GPRC5D: variants seen among roughly 807,000 people sequenced by gnomAD.
The protein encoded by GPRC5D is G protein-coupled receptor class C group 5 member D, also known as G protein-coupled receptor family C group 5 member D.
In GPRC5D, 20 loss-of-function variants were observed where a neutral mutation model predicts 29.3. The ratio of observed to expected loss-of-function variants is 0.68; its 90% CI spans 0.48 to 0.99. The LOEUF (loss-of-function observed/expected upper bound fraction) is 0.99, where lower values mean the gene tolerates loss of function less well. GPRC5D is among the 50% of genes least tolerant of loss of function. The pLI is 0.00. For missense variants in GPRC5D, 384 were observed against 423.6 expected (o/e 0.91, Z 0.82); for synonymous variants, 178 against 171.3 (o/e 1.04, Z -0.30).
At chr12:12,946,685 C>T (rs900002250) in intron 1 of GPRC5D, among the ~76,000 whole-genome samples, 9 of 152,174 alleles carry the variant, frequency 5.9e-5, no homozygotes, top group Admixed American at 2.0e-4. Flanking sequence ...TAACTCCTGT[C>T]CTCAGGTGAT....
chr12:12,940,943 G>GA, intron 2 of GPRC5D, 94 bp from the exon 4 acceptor site: 4 of 808,532 alleles, frequency 4.9e-6, no homozygotes, highest in Non-Finnish European at 6.4e-6. Context: ...ACAGAGTCTT[G>GA]CTCTGTCACC....
At chr12:12,942,122 C>G in intron 2 of GPRC5D, 139 bp downstream of exon 3, 1 of 679,134 alleles carries the variant, frequency 1.5e-6, no homozygotes, top group Admixed American at 2.4e-5. Context: ...GGCTCAAGCT[C>G]CACATGCCTT....
At chr12:12,942,288 A>C (rs1196080757) in exon 2 of GPRC5D, 2 of 1,612,400 alleles carry the variant, frequency 1.2e-6, no homozygotes, top group South Asian at 2.2e-5. Flanking sequence ...TACCATATGA[A>C]GTTAATGCTA....
chr12:12,950,320 C>T lies in GPRC5D; in HGVS notation c.65G>A (p.Trp22Ter). 2 of 1,612,982 alleles carry T rather than the reference C, an allele frequency of 1.2e-6. No homozygotes were observed. Among genetic ancestry groups the T allele is most frequent in the Non-Finnish European group, 1.7e-6 (2 of 1,179,334 alleles). ...GGCCAGGGACTCCAGAATGATGCCC[C>T]ATGGCCCCTCGGCGTCACAGAGAAG... is the stretch of plus-strand genomic sequence containing the variant. The change falls in exon 1 of 3, where the codon TGG becomes TAG. Residue 22 changes from tryptophan to a stop codon, truncating the protein, a stop_gained. Transcript: ENST00000228887. LOFTEE classifies it high-confidence loss of function.
intron 1 of GPRC5D, among the ~76,000 whole-genome samples, chr12:12,944,057 G>A (rs1302390551): frequency 6.6e-6 from 1 of 151,896 alleles, no homozygotes. Flanking sequence ...GGGCACATGC[G>A]GCCCGATTCT....
At chr12:12,949,758 A>C in exon 1 of GPRC5D, 1 of 1,614,204 alleles carries the variant, frequency 6.2e-7, no homozygotes. Flanking sequence ...AGAAGAGCAC[A>C]GTGATAAAGA....
chr12:12,946,309 T>TTC (rs1565478396), intron 1 of GPRC5D, among the ~76,000 whole-genome samples: 59 of 37,666 alleles, frequency 1.6e-3, no homozygotes, highest in African/African-American at 4.8e-3. Flanking sequence ...CCTTCCTTCC[T>TTC]TTTCTTTCTT....
upstream of GPRC5D, among the ~76,000 whole-genome samples, chr12:12,951,302 G>T (rs891284941): frequency 3.9e-5 from 6 of 152,194 alleles, no homozygotes; most frequent in East Asian, 5.8e-4. Flanking sequence ...ATTGTTCCTA[G>T]GACACTGTCA....
At chr12:12,944,834 C>CTTT (rs1286297872) in intron 1 of GPRC5D, among the ~76,000 whole-genome samples, 1 of 20,030 alleles carries the variant, frequency 5.0e-5, no homozygotes, top group African/African-American at 9.7e-5. Context: ...TCCTTCCTTC[C>CTTT]TTCCTTCCTT....
chr12:12,949,197 C>G (rs1863424698), intron 1 of GPRC5D, among the ~76,000 whole-genome samples: 1 of 152,172 alleles, frequency 6.6e-6, no homozygotes, highest in East Asian at 1.9e-4. Context: ...TAGTGGATGC[C>G]TTTCTTTAAC....
At chr12:12,947,753 C>T (rs775648750) in intron 1 of GPRC5D, among the ~76,000 whole-genome samples, 2 of 152,034 alleles carry the variant, frequency 1.3e-5, no homozygotes, top group Non-Finnish European at 2.9e-5. Context: ...GACGGGGTTT[C>T]GCCATGTCGC....
At chr12:12,941,557 G>A (rs1038723419) in intron 2 of GPRC5D, among the ~76,000 whole-genome samples, 41 of 152,290 alleles carry the variant, frequency 2.7e-4, no homozygotes, top group African/African-American at 9.9e-4. Context: ...TAAATTCATT[G>A]AATAAATGAT....
chr12:12,951,696 A>G (rs1863500138), upstream of GPRC5D, among the ~76,000 whole-genome samples: 2 of 152,238 alleles, frequency 1.3e-5, no homozygotes, highest in African/African-American at 4.8e-5. Context: ...AAGGACTGCC[A>G]ACATTAATGG....
intron 2 of GPRC5D, 50 bp from the exon 4 acceptor site, chr12:12,940,899 G>T (rs1446638424): frequency 2.5e-6 from 3 of 1,188,886 alleles, no homozygotes; most frequent in Non-Finnish European, 2.5e-6. Context: ...CAAAAGAAAT[G>T]ATATTCTCCA....
chr12:12,950,442 G>A (rs571925657), upstream of GPRC5D: 28 of 1,204,780 alleles, frequency 2.3e-5, no homozygotes, highest in African/African-American at 3.9e-4. Flanking sequence ...GCAGAAAAAG[G>A]ATGAGACAAA....
exon 1 of GPRC5D, chr12:12,949,608 G>A (rs762431769): frequency 1.2e-6 from 2 of 1,614,174 alleles, no homozygotes; most frequent in Non-Finnish European, 1.7e-6. Context: ...AGAGCTCAGG[G>A]ACGATGTACA....
At chr12:12,942,460 C>T (rs576276712) in intron 1 of GPRC5D, 132 bp from the exon 3 acceptor site, 2 of 637,426 alleles carry the variant, frequency 3.1e-6, no homozygotes, top group South Asian at 3.7e-5. Flanking sequence ...TGAGGCTGGG[C>T]ACGGTGGCTC....
At chr12:12,946,642 A>T (rs1258050989) in intron 1 of GPRC5D, among the ~76,000 whole-genome samples, 2 of 151,828 alleles carry the variant, frequency 1.3e-5, no homozygotes, top group South Asian at 2.1e-4. Flanking sequence ...TTTAATAGAG[A>T]TGGGGTTTTA....
intron 1 of GPRC5D, 45 bp downstream of exon 2, chr12:12,949,445 C>G: frequency 6.6e-7 from 1 of 1,510,648 alleles, no homozygotes; most frequent in Non-Finnish European, 9.0e-7. Context: ...TCCTGCTTCT[C>G]CTGTAGGAGC....
Sources: allele counts gnomAD v4.1 joint callset (sites outside exome capture counted in the v4.1 genomes callset), GRCh38; gene constraint gnomAD v4.1.1; transcripts MANE v1.5; gene names NCBI Gene and HGNC (gene_info 2026-07-23, HGNC 2026-07-21).